The following TFEC variants were observed in gnomAD, a reference collection of about 807,000 sequenced individuals.
The protein encoded by TFEC is transcription factor EC.
TFEC carries 31 observed loss-of-function variants against 41.6 expected under a neutral mutation model. The ratio of observed to expected loss-of-function variants is 0.74; its 90% CI spans 0.56 to 1.01. The LOEUF (loss-of-function observed/expected upper bound fraction) is 1.01, where lower values mean the gene tolerates loss of function less well. Ranked by LOEUF, TFEC falls within the 50% of genes least tolerant of loss-of-function variation. The pLI is 0.00. For synonymous variants in TFEC, 143 were observed against 140.6 expected, an observed-to-expected ratio of 1.02 and a Z score of -0.12; for missense variants, 402 against 404.1, an observed-to-expected ratio of 0.99 and a Z score of 0.04.
intron 3 of TFEC, among the ~76,000 whole-genome samples, chr7:116,098,062 G>A (rs1797510906): frequency 1.3e-5 from 2 of 152,042 alleles, no homozygotes; most frequent in African/African-American, 4.8e-5. Context: ...TTAGCAAGGT[G>A]GATAAAAACA....
At chr7:116,038,823 T>C (rs565292340) in intron 3 of TFEC, among the ~76,000 whole-genome samples, 1 of 152,086 alleles carries the variant, frequency 6.6e-6, no homozygotes, top group South Asian at 2.1e-4. Flanking sequence ...AAACATATAG[T>C]GTTAAAAACA....
At chr7:116,025,611 A>G (rs1402848788) in intron 1 of TFEC, among the ~76,000 whole-genome samples, 4 of 152,168 alleles carry the variant, frequency 2.6e-5, no homozygotes, top group Non-Finnish European at 5.9e-5. Flanking sequence ...AGACAGACAG[A>G]CTTACTCATA....
At chr7:115,996,685 G>C (rs990787230) in intron 1 of TFEC, among the ~76,000 whole-genome samples, 4 of 151,996 alleles carry the variant, frequency 2.6e-5, no homozygotes, top group African/African-American at 7.2e-5. Flanking sequence ...CATTCTCTTG[G>C]CCAGAGGGAA....
intron 3 of TFEC, among the ~76,000 whole-genome samples, chr7:115,957,174 A>G (rs1305924548): frequency 6.6e-6 from 1 of 151,904 alleles, no homozygotes; most frequent in Non-Finnish European, 1.5e-5. Context: ...GCAAAGCTGG[A>G]AAGTTCACCA....
At chr7:116,154,021 A>C (rs991008711) in intron 1 of TFEC, among the ~76,000 whole-genome samples, 1 of 152,170 alleles carries the variant, frequency 6.6e-6, no homozygotes, top group African/African-American at 2.4e-5. Flanking sequence ...TTGTAAGGAG[A>C]GAAGAGTGTT....
At chr7:116,131,673 A>G (rs1044726733) in intron 1 of TFEC, among the ~76,000 whole-genome samples, 1 of 152,096 alleles carries the variant, frequency 6.6e-6, no homozygotes, top group African/African-American at 2.4e-5. Flanking sequence ...TTTCTAGCTA[A>G]CATGAGTGTA....
At position 116,001,750 on chromosome 7, in the gene TFEC, T is replaced by G. The variant is rs1311605378; in HGVS notation, c.-72-17237A>C. 5.9e-5 allele frequency among the ~76,000 whole-genome samples: 9 copies of G among 152,176 alleles called. No homozygotes were observed. In the East Asian group the frequency reaches 1.7e-3, roughly 29 times the overall value. On this transcript the variant is annotated intron_variant, in intron 1 of 7. Coordinates refer to ENST00000265440, the MANE Select transcript of TFEC (RefSeq NM_012252.4). Reference sequence around the variant, plus strand: ...AGAAAATATTTGCAAACTAGTCATCTGACATGGGATTAATAAACAGAATAT... The same window carrying G: ...AGAAAATATTTGCAAACTAGTCATCGGACATGGGATTAATAAACAGAATAT...
At chr7:115,945,803 G>A (rs1791506105) in intron 6 of TFEC, among the ~76,000 whole-genome samples, 3 of 151,734 alleles carry the variant, frequency 2.0e-5, no homozygotes, top group Admixed American at 1.3e-4. Context: ...TCTAGACCAA[G>A]GGTAGACAAA....
intron 3 of TFEC, among the ~76,000 whole-genome samples, chr7:116,101,209 A>G (rs1444677097): frequency 2.1e-5 from 3 of 141,850 alleles, no homozygotes; most frequent in Non-Finnish European, 3.1e-5. Flanking sequence ...AAAAAAAGAA[A>G]AAGGAAAAAA....
At chr7:115,986,533 A>G (rs1488265014) in intron 1 of TFEC, among the ~76,000 whole-genome samples, 2 of 152,132 alleles carry the variant, frequency 1.3e-5, no homozygotes, top group East Asian at 1.9e-4. Flanking sequence ...AGTGGTTTTA[A>G]AAAAACATAT....
intron 3 of TFEC, among the ~76,000 whole-genome samples, chr7:116,048,005 A>T (rs1254246638): frequency 6.6e-6 from 1 of 152,226 alleles, no homozygotes; most frequent in African/African-American, 2.4e-5. Flanking sequence ...CAAAGACCAA[A>T]GGTAGATAAA....
chr7:116,148,315 G>A (rs566577686), intron 1 of TFEC, among the ~76,000 whole-genome samples: 1 of 152,280 alleles, frequency 6.6e-6, no homozygotes, highest in South Asian at 2.1e-4. Flanking sequence ...CACACTAACT[G>A]CTCTTTGAAA....
intron 3 of TFEC, among the ~76,000 whole-genome samples, chr7:116,083,976 C>T (rs1321686765): frequency 6.6e-6 from 1 of 151,918 alleles, no homozygotes; most frequent in Non-Finnish European, 1.5e-5. Context: ...GCCACAGGGC[C>T]AATTACGAAC....
At chr7:115,988,361 G>T (rs1179627554) in intron 1 of TFEC, among the ~76,000 whole-genome samples, 1 of 151,868 alleles carries the variant, frequency 6.6e-6, no homozygotes, top group African/African-American at 2.4e-5. Flanking sequence ...CAAACAGAGT[G>T]ATAGAAATTC....
Position 115,937,545 on chromosome 7 carries a change from T to C in TFEC, c.*3006A>G, listed in dbSNP as rs935481395. On this transcript the variant is annotated 3_prime_UTR_variant, in exon 8 of 8. Coordinates refer to ENST00000265440, the MANE Select transcript of TFEC (RefSeq NM_012252.4). ...TGTTTATAACACTCAGTAATTATAG[T>C]GAAACTGACCCATATATAATAAATA... is the stretch of plus-strand genomic sequence containing the variant. The C allele has an allele frequency of 6.6e-6, 1 of 151,772 alleles. No individual in the cohort carries two copies. Among genetic ancestry groups the C allele is most frequent in the Admixed American group, 6.6e-5 (1 of 15,214 alleles). The allele number at this position is 151,772 out of a possible 1,614,324, so 9.4% of individuals were successfully genotyped here.
chr7:116,074,871 TCCA>T (rs1218468189), intron 3 of TFEC, among the ~76,000 whole-genome samples: 7 of 152,152 alleles, frequency 4.6e-5, no homozygotes. Context: ...AACCCAAATG[TCCA>T]CCAATTGATA....
chr7:116,091,892 A>G (rs1797337686), intron 3 of TFEC, among the ~76,000 whole-genome samples: 2 of 152,136 alleles, frequency 1.3e-5, no homozygotes, highest in Middle Eastern at 3.2e-3. Flanking sequence ...GTAGTAAGAT[A>G]TATATACTAT....
intron 3 of TFEC, among the ~76,000 whole-genome samples, chr7:115,966,522 A>T (rs950145179): frequency 1.3e-5 from 2 of 151,758 alleles, no homozygotes; most frequent in African/African-American, 4.8e-5. Flanking sequence ...CAACTCTAGT[A>T]TTATAATTGT....
At chr7:116,034,614 T>C (rs899342582), upstream of TFEC, among the ~76,000 whole-genome samples, 1 of 151,678 alleles carries the variant, frequency 6.6e-6, no homozygotes, top group Admixed American at 6.6e-5. Context: ...CTCACCTGGA[T>C]TGCCGCAAAG....
Sources: gnomAD v4.1 joint callset for allele counts (sites outside exome capture counted in the v4.1 genomes callset) on GRCh38, gnomAD v4.1.1 for gene constraint, MANE v1.5 for transcripts, NCBI Gene and HGNC (gene_info 2026-07-23, HGNC 2026-07-21) for gene names.